CMTR1: variants seen among roughly 807,000 people sequenced by gnomAD.
The protein encoded by CMTR1 is cap-specific mRNA (nucleoside-2'-O-)-methyltransferase 1.
CMTR1 carries 39 observed loss-of-function variants against 107.0 expected under a neutral mutation model. That is an observed-to-expected ratio of 0.36 (90% CI 0.28 to 0.48). The LOEUF is 0.48. Among genes scored for constraint, CMTR1 ranks in the 20% least tolerant of loss-of-function variants. CMTR1 has a pLI of 0.99. For missense variants in CMTR1, 672 were observed against 1,064.9 expected (o/e 0.63, Z 5.14); for synonymous variants, 366 against 379.5 (o/e 0.96, Z 0.41).
At chr6:37,431,473 C>T (rs1164778450), upstream of CMTR1, among the ~76,000 whole-genome samples, 5 of 152,178 alleles carry the variant, frequency 3.3e-5, no homozygotes, top group East Asian at 7.7e-4. Flanking sequence ...TCCACAGATT[C>T]AGTAAATATC....
At chr6:37,470,041 A>G (rs1296348890) in intron 13 of CMTR1, among the ~76,000 whole-genome samples, 1 of 151,860 alleles carries the variant, frequency 6.6e-6, no homozygotes, top group Admixed American at 6.6e-5. Flanking sequence ...CCAGCAAAAT[A>G]ATTATTCATC....
intron 13 of CMTR1, among the ~76,000 whole-genome samples, chr6:37,466,565 GC>G (rs1761516834): frequency 6.6e-6 from 1 of 152,094 alleles, no homozygotes; most frequent in Non-Finnish European, 1.5e-5. Context: ...TGAAAACACT[GC>G]CCTTTCCCCG....
intron 13 of CMTR1, among the ~76,000 whole-genome samples, chr6:37,463,292 T>G (rs1310384130): frequency 6.6e-6 from 1 of 152,228 alleles, no homozygotes; most frequent in Non-Finnish European, 1.5e-5. Context: ...CAGAGCAGCC[T>G]GTGTCCCTGG....
intron 11 of CMTR1, 57 bp downstream of exon 11, chr6:37,461,702 C>G: frequency 1.7e-6 from 2 of 1,175,952 alleles, no homozygotes; most frequent in Non-Finnish European, 2.4e-6. Flanking sequence ...CCCTATTGGA[C>G]AAGAACATGT....
intron 1 of CMTR1, among the ~76,000 whole-genome samples, chr6:37,434,214 A>G (rs1268011468): frequency 6.6e-6 from 1 of 152,070 alleles, no homozygotes; most frequent in Non-Finnish European, 1.5e-5. Context: ...GCCTGTATCT[A>G]GTAAGAGGCT....
At position 37,480,368 on chromosome 6, in the gene CMTR1, C is replaced by G. The variant is rs1048610746; in HGVS notation, c.*223C>G. On this transcript the variant is annotated 3_prime_UTR_variant, in exon 24 of 24. Coordinates refer to ENST00000373451, the MANE Select transcript of CMTR1 (RefSeq NM_015050.3). ...TGGGACACCTGCCTGGGAACTTTCC[C>G]CTGCCAGGACTCAGCCTGAAGGAAG... 5.9e-6 allele frequency: 8 copies of G among 1,347,598 alleles called. No individual in the cohort carries two copies. Among genetic ancestry groups the G allele is most frequent in the Non-Finnish European group, 6.6e-6 (7 of 1,058,902 alleles). The allele number at this position is 1,347,598 out of a possible 1,614,324, so 83.5% of individuals were successfully genotyped here. A position where few individuals can be genotyped will look rare whatever the true frequency, so the allele number is the denominator to read the frequency against.
At chr6:37,432,491 G>T (rs985011212), upstream of CMTR1, among the ~76,000 whole-genome samples, 1 of 152,168 alleles carries the variant, frequency 6.6e-6, no homozygotes, top group Admixed American at 6.5e-5. Flanking sequence ...ATGGGGATGG[G>T]GGTGAATGGA....
At chr6:37,448,210 C>CAAAA (rs11397206) in intron 4 of CMTR1, among the ~76,000 whole-genome samples, 45 of 90,556 alleles carry the variant, frequency 5.0e-4, no homozygotes, top group Middle Eastern at 6.3e-3. Flanking sequence ...GATTCCGTCT[C>CAAAA]AAAAAAAAAA....
intron 8 of CMTR1, among the ~76,000 whole-genome samples, chr6:37,454,769 T>G (rs1761255748): frequency 6.6e-6 from 1 of 152,202 alleles, no homozygotes. Context: ...GAGATGTTTC[T>G]CTATGCTTCA....
At position 37,472,818 on chromosome 6, in the gene CMTR1, T is replaced by A. The variant is rs1230910719; in HGVS notation, c.1689+331T>A. On this transcript the variant is annotated intron_variant, in intron 16 of 23. Transcript: ENST00000373451. The surrounding 1 kb of genome is among the most constrained non-coding windows in gnomAD (Gnocchi z 4.1). ...TACAAAGGAGACATAGAGTGTGGGA[T>A]GATCTTAGGCAAGGGAGCTGGGCAC... Among the ~76,000 whole-genome samples the A allele has an allele frequency of 1.3e-5, 2 of 152,192 alleles. No individual in the cohort carries two copies. Among genetic ancestry groups the A allele is most frequent in the Non-Finnish European group, 2.9e-5 (2 of 68,028 alleles).
At chr6:37,424,439 G>T in the CMTR1 span, among the ~76,000 whole-genome samples, 1 of 147,940 alleles carries the variant, frequency 6.8e-6, no homozygotes, top group Non-Finnish European at 1.5e-5. Context: ...TAGTAGAGAC[G>T]GGTTTCGCCG....
chr6:37,479,578 A>C lies in CMTR1; in HGVS notation c.2375+323A>C, dbSNP rs534640124. 3.9e-5 allele frequency among the ~76,000 whole-genome samples: 6 copies of C among 152,328 alleles called. No individual in the cohort carries two copies. In the East Asian group the frequency reaches 1.2e-3, roughly 29 times the overall value. Reference sequence around the variant, plus strand: ...ATTCCAACACTGGCCTGATGGTGGGAACCTGCTGAGGGCCCACAGCCCTGC... The same window carrying C: ...ATTCCAACACTGGCCTGATGGTGGGCACCTGCTGAGGGCCCACAGCCCTGC... On this transcript the variant is annotated intron_variant, in intron 23 of 23. Transcript: ENST00000373451.
At chr6:37,450,383 C>T (rs753431640) in intron 5 of CMTR1, 40 bp downstream of exon 5, 16 of 1,488,382 alleles carry the variant, frequency 1.1e-5, no homozygotes, top group Non-Finnish European at 1.5e-5. Flanking sequence ...TCTTGGCATT[C>T]TCTTGACTTT....
chr6:37,436,838 A>AT (rs1192345493), intron 2 of CMTR1, among the ~76,000 whole-genome samples: 5 of 152,180 alleles, frequency 3.3e-5, no homozygotes, highest in African/African-American at 1.2e-4. Flanking sequence ...GCAGGCTTGC[A>AT]TATTGGATCC....
intron 19 of CMTR1, chr6:37,475,812 G>C: frequency 2.1e-6 from 1 of 484,910 alleles, no homozygotes; most frequent in Non-Finnish European, 3.8e-6. Flanking sequence ...TGGGGTGACA[G>C]GGCAGACACA....
chr6:37,478,728 C>T (rs770951088), intron 22 of CMTR1, among the ~76,000 whole-genome samples: 4 of 152,128 alleles, frequency 2.6e-5, no homozygotes, highest in Non-Finnish European at 5.9e-5. Context: ...GTTGGTTAGG[C>T]AATAGGGAGA....
chr6:37,454,367 T>C (rs990715757), intron 8 of CMTR1, among the ~76,000 whole-genome samples: 1 of 152,194 alleles, frequency 6.6e-6, no homozygotes, highest in Non-Finnish European at 1.5e-5. Context: ...CATTTTTCAC[T>C]CCCAGGTCTC....
At chr6:37,475,434 A>G in intron 19 of CMTR1, 22 bp downstream of exon 19, 107 of 805,942 alleles carry the variant, frequency 1.3e-4, no homozygotes, top group Non-Finnish European at 2.1e-4. Flanking sequence ...GCCCCAGGGT[A>G]GGGAGGGTGG....
chr6:37,437,250 G>GC (rs1771550088), intron 2 of CMTR1, among the ~76,000 whole-genome samples: 1 of 150,970 alleles, frequency 6.6e-6, no homozygotes. Flanking sequence ...CAGCTGGCCA[G>GC]GCGCGGTGGC....
Sources: gnomAD v4.1 joint callset for allele counts (sites outside exome capture counted in the v4.1 genomes callset) on GRCh38, gnomAD v4.1.1 for gene constraint, Gnocchi (gnomAD v3.1) non-coding constraint, MANE v1.5 for transcripts, NCBI Gene and HGNC (gene_info 2026-07-23, HGNC 2026-07-21) for gene names.